MROH1: variants seen among roughly 807,000 people sequenced by gnomAD.
MROH1 encodes the protein maestro heat like repeat family member 1.
MROH1 carries 117 observed loss-of-function variants against 116.5 expected under a neutral mutation model. The ratio of observed to expected loss-of-function variants is 1.00; its 90% CI spans 0.86 to 1.17. The LOEUF (loss-of-function observed/expected upper bound fraction) is 1.17. MROH1 is among the 50% of genes most tolerant of loss of function. The pLI, the probability that MROH1 is intolerant of heterozygous loss-of-function variation, is 0.00. For synonymous variants in MROH1, 921 were observed against 583.9 expected (o/e 1.58, Z -8.32); for missense variants, 1,873 against 1,338.5 (o/e 1.40, Z -6.23).
intron 14 of MROH1, among the ~76,000 whole-genome samples, chr8:144,227,923 C>T (rs1196697110): frequency 2.1e-5 from 3 of 139,854 alleles, no homozygotes; most frequent in Admixed American, 2.1e-4. Flanking sequence ...ACTGCGCTCC[C>T]GCCTGGGTGA....
Position 144,240,158 on chromosome 8 carries a change from G to C in MROH1, c.1827+5G>C, listed in dbSNP as rs1840721703. 8 of 776,080 alleles carry C rather than the reference G, an allele frequency of 1.0e-5. No individual in the cohort carries two copies. The allele number at this position is 776,080 out of a possible 1,614,324, so 48.1% of individuals were successfully genotyped here. ...TGGGAGGAGAAGCTGTTGATGGTGA[G>C]GGCCGGGGTACGGCCCATCCTGGGC... On this transcript the variant is annotated splice_donor_5th_base_variant and intron_variant, in intron 19 of 43. Coordinates refer to ENST00000326134, the MANE Select transcript of MROH1 (RefSeq NM_032450.3).
In MROH1 at chr8:144,163,896, C is replaced by T. The variant is rs200852565; in HGVS notation, c.22+48C>T. 5.6e-6 allele frequency: 9 copies of T among 1,609,484 alleles called. No homozygotes were observed. The highest frequency in any genetic ancestry group is 4.5e-5 in the East Asian group (2 of 44,802). On this transcript the variant is annotated intron_variant, in intron 3 of 43. Transcript: ENST00000326134. The surrounding 1 kb of genome is among the most constrained non-coding windows in gnomAD (Gnocchi z 4.4). The stretch of plus-strand genomic sequence containing the variant: ...TGGCCGGGTGTGAGGCCTCTCTTGC[C>T]TCTGGGTGGTCAGGGCAGGCCAAGG...
At chr8:144,258,295 C>T (rs1013592068) in intron 35 of MROH1, among the ~76,000 whole-genome samples, 45 of 152,348 alleles carry the variant, frequency 3.0e-4, no homozygotes, top group Admixed American at 5.9e-4. Flanking sequence ...ACCATCCTCC[C>T]GCTCACTTGC....
intron 1 of MROH1, among the ~76,000 whole-genome samples, chr8:144,155,136 A>G (rs1434111451): frequency 1.3e-5 from 2 of 152,012 alleles, no homozygotes; most frequent in African/African-American, 4.8e-5. Flanking sequence ...TTTTTAGTAG[A>G]CACAGGGTTC....
chr8:144,223,472 A>C (rs1837222978), intron 14 of MROH1, among the ~76,000 whole-genome samples: 1 of 152,024 alleles, frequency 6.6e-6, no homozygotes, highest in Non-Finnish European at 1.5e-5. Flanking sequence ...AACTCCTGGG[A>C]TCAGGAGACC....
chr8:144,260,293 G>A lies in MROH1; in HGVS notation c.4299G>A (p.Arg1433=), dbSNP rs977609039. ...TGGAGGCCATGCTGGGCCTTGCGAG[G>A]CTGGTGCACCTGGTGGAGTCCTGGG... ...VALEAMLGLA[R]LVHLVESWDL... Residue 1433 remains arginine, a synonymous_variant, in exon 39 of 44, where the codon AGG becomes AGA. Coordinates refer to ENST00000326134, the MANE Select transcript of MROH1 (RefSeq NM_032450.3). 12 of 758,902 alleles carry A rather than the reference G, an allele frequency of 1.6e-5. No individual in the cohort carries two copies. Among genetic ancestry groups the A allele is most frequent in the Non-Finnish European group, 2.2e-5 (9 of 413,506 alleles). The allele number at this position is 758,902 out of a possible 1,614,324, so 47.0% of individuals were successfully genotyped here. A position where few individuals can be genotyped will look rare whatever the true frequency, so the allele number is the denominator to read the frequency against.
At position 144,245,197 on chromosome 8, in the gene MROH1, G is replaced by T. The variant is rs1477051937; in HGVS notation, c.2808G>T (p.Arg936=). The change falls in exon 29 of 44, where the codon CGG becomes CGT. Residue 936 remains arginine, a synonymous_variant. Transcript: ENST00000326134. Reference sequence around the variant, plus strand: ...TCAAGTCCCCAAGAGGTCACGAGCGGGCGCGGGCCCTGGGCCTGAGCGCCC... The same window carrying T: ...TCAAGTCCCCAAGAGGTCACGAGCGTGCGCGGGCCCTGGGCCTGAGCGCCC... The part of the protein sequence containing the change: ...PWIKSPRGHE[R]ARALGLSALL... The T allele has an allele frequency of 7.7e-6, 6 of 779,144 alleles. No homozygotes were observed. In the African/African-American group the frequency reaches 8.5e-5, roughly 11 times the overall value. The allele number at this position is 779,144 out of a possible 1,614,324, so 48.3% of individuals were successfully genotyped here.
chr8:144,160,048 C>T (rs984843679), intron 1 of MROH1, among the ~76,000 whole-genome samples: 2 of 152,050 alleles, frequency 1.3e-5, no homozygotes, highest in Admixed American at 6.6e-5. Flanking sequence ...GGATTACAGG[C>T]GTGAGCCACC....
At chr8:144,227,813 C>A (rs1279524401) in intron 14 of MROH1, among the ~76,000 whole-genome samples, 1 of 151,970 alleles carries the variant, frequency 6.6e-6, no homozygotes, top group Non-Finnish European at 1.5e-5. Context: ...ATTAGCTGGG[C>A]CTGACGGCTC....
At chr8:144,203,543 G>T (rs867648191) in intron 12 of MROH1, among the ~76,000 whole-genome samples, 4 of 151,614 alleles carry the variant, frequency 2.6e-5, no homozygotes, top group Middle Eastern at 3.4e-3. Flanking sequence ...GGAGAGGAGC[G>T]CCCGCTCTCT....
intron 14 of MROH1, among the ~76,000 whole-genome samples, chr8:144,233,260 C>G (rs1291632566): frequency 6.6e-6 from 1 of 151,962 alleles, no homozygotes; most frequent in African/African-American, 2.4e-5. Context: ...TCACCACCTT[C>G]CAGCTCCAGA....
intron 12 of MROH1, among the ~76,000 whole-genome samples, chr8:144,202,552 ATG>A (rs1831482233): frequency 3.3e-5 from 1 of 30,740 alleles, no homozygotes; most frequent in Admixed American, 3.7e-4. Context: ...CCCGCTCTGT[ATG>A]GAGGGGCAGG....
At chr8:144,226,381 C>T (rs888354000) in intron 14 of MROH1, among the ~76,000 whole-genome samples, 3 of 152,178 alleles carry the variant, frequency 2.0e-5, no homozygotes, top group Non-Finnish European at 4.4e-5. Flanking sequence ...TTCTCTCTAA[C>T]GCTCCAGCTC....
rs1588307820 is a variant in MROH1, at chr8:144,223,360, C to T, written c.1338+130C>T. The T allele has an allele frequency of 4.1e-6, 5 of 1,214,190 alleles. No homozygotes were observed. In the East Asian group the frequency reaches 1.0e-4, roughly 25 times the overall value. 75.2% of individuals were successfully genotyped at this position (1,214,190 alleles called of 1,614,324 possible). A position where few individuals can be genotyped will look rare whatever the true frequency, so the allele number is the denominator to read the frequency against. ...GCTGCAGTCTGCGTGCGGAGGTGCC[C>T]TCTGCTGTCTTTTGTTTAATAGAGA... On this transcript the variant is annotated intron_variant, in intron 14 of 43. Coordinates refer to ENST00000326134, the MANE Select transcript of MROH1 (RefSeq NM_032450.3).
rs7002455 is a variant in MROH1 at position 144,203,622 on chromosome 8, A to T, written c.1141+3081A>T. Among the ~76,000 whole-genome samples the T allele has an allele frequency of 3.4e-3, 525 of 152,212 alleles. 1 individual carries two copies. The highest frequency in any genetic ancestry group is 0.012 in the African/African-American group (509 of 41,508). ...AGAGGAGAGCGCCTGCAGCTTCCAC[A>T]CAGAGGGGCTGCTCTGGTCAGTGGT... On this transcript the variant is annotated intron_variant, in intron 12 of 43. Transcript: ENST00000326134.
In MROH1 at chr8:144,159,796, C is replaced by T. The variant is rs557367387; in HGVS notation, c.-176-1174C>T. ...TTTTTTTTTTTTTTTGAGACGGAGT[C>T]TCGCTTTGTCGCCCAGGCTGGAGTG... is the stretch of plus-strand genomic sequence containing the variant. On this transcript the variant is annotated intron_variant, in intron 1 of 43. Coordinates refer to ENST00000326134, the MANE Select transcript of MROH1 (RefSeq NM_032450.3). Among the ~76,000 whole-genome samples the T allele has an allele frequency of 9.1e-5, 11 of 121,448 alleles. 1 individual carries two copies. The South Asian group carries it at 2.9e-3, about 32-fold the overall frequency. 79.7% of individuals were successfully genotyped at this position (121,448 alleles called of 152,430 possible). A position where few individuals can be genotyped will look rare whatever the true frequency, so the allele number is the denominator to read the frequency against.
At chr8:144,204,056 T>C (rs1832298745) in intron 12 of MROH1, among the ~76,000 whole-genome samples, 1 of 152,248 alleles carries the variant, frequency 6.6e-6, no homozygotes, top group Non-Finnish European at 1.5e-5. Context: ...CATGCTTTTT[T>C]CACTTGCTAG....
chr8:144,243,845 T>G lies in MROH1; in HGVS notation c.2476-18T>G. On this transcript the variant is annotated intron_variant, in intron 25 of 43. Transcript: ENST00000326134. ...GGCGTTTCCTCCAAGGGCTGAGTCA[T>G]GCACCTGCCTCACCCAGGAGTTCAT... The G allele has an allele frequency of 1.3e-6, 1 of 776,126 alleles. No homozygotes were observed. The highest frequency in any genetic ancestry group is 2.4e-6 in the Non-Finnish European group (1 of 415,998). 48.1% of individuals were successfully genotyped at this position (776,126 alleles called of 1,614,324 possible).
chr8:144,184,925 G>A (rs1207295357), intron 7 of MROH1, among the ~76,000 whole-genome samples: 6 of 152,210 alleles, frequency 3.9e-5, no homozygotes, highest in Admixed American at 3.9e-4. Flanking sequence ...TGGGGCTGGG[G>A]CAGAGCAGGA....
Sources: allele counts gnomAD v4.1 joint callset (sites outside exome capture counted in the v4.1 genomes callset), GRCh38; gene constraint gnomAD v4.1.1; non-coding constraint Gnocchi (gnomAD v3.1); transcripts MANE v1.5; gene names NCBI Gene and HGNC (gene_info 2026-07-23, HGNC 2026-07-21).